The following PRKN variants were observed in gnomAD, a reference collection of about 807,000 sequenced individuals.
The protein encoded by PRKN is E3 ubiquitin-protein ligase parkin.
In PRKN, 56 loss-of-function variants were observed where a neutral mutation model predicts 59.5. That is an observed-to-expected ratio of 0.94 (90% CI 0.76 to 1.18). PRKN has a LOEUF of 1.18. PRKN is among the 50% of genes most tolerant of loss of function. The pLI is 0.00. For missense variants in PRKN, 657 were observed against 596.4 expected (o/e 1.10, Z -1.06); for synonymous variants, 250 against 222.1 (o/e 1.13, Z -1.12).
At chr6:162,113,124 G>A (rs1562521028) in intron 4 of PRKN, among the ~76,000 whole-genome samples, 1 of 152,162 alleles carries the variant, frequency 6.6e-6, no homozygotes, top group African/African-American at 2.4e-5. Context: ...TCCTATAAAA[G>A]GATGAGAAGA....
chr6:161,883,883 C>A, intron 6 of PRKN, among the ~76,000 whole-genome samples: 1 of 152,054 alleles, frequency 6.6e-6, no homozygotes. Flanking sequence ...AAACTCCTGA[C>A]CTCAAGTGAT....
chr6:162,322,231 A>G (rs972407021), intron 2 of PRKN, among the ~76,000 whole-genome samples: 5 of 152,082 alleles, frequency 3.3e-5, no homozygotes, highest in Admixed American at 3.3e-4. Context: ...ACGCAAAAAT[A>G]AATTTACAAA....
At chr6:161,542,888 C>T (rs963004814) in intron 9 of PRKN, among the ~76,000 whole-genome samples, 1 of 152,070 alleles carries the variant, frequency 6.6e-6, no homozygotes, top group African/African-American at 2.4e-5. Flanking sequence ...AGATTTTAAT[C>T]TCTAGTCTTA....
chr6:161,472,105 C>A (rs552913041), intron 9 of PRKN, among the ~76,000 whole-genome samples: 26 of 152,156 alleles, frequency 1.7e-4, no homozygotes, highest in Middle Eastern at 6.8e-3. Flanking sequence ...AGTTGGTAAT[C>A]TTCTTCATGG....
intron 7 of PRKN, among the ~76,000 whole-genome samples, chr6:161,623,586 T>C (rs895308152): frequency 6.6e-6 from 1 of 152,210 alleles, no homozygotes; most frequent in Non-Finnish European, 1.5e-5. Flanking sequence ...CTTTTTGCAA[T>C]GTCAACAGAG....
chr6:162,253,684 T>G (rs1280748962), intron 3 of PRKN, among the ~76,000 whole-genome samples: 1 of 152,066 alleles, frequency 6.6e-6, no homozygotes, highest in Admixed American at 6.5e-5. Flanking sequence ...TTGTTAAATA[T>G]GAGACACCAC....
At chr6:161,853,052 G>T (rs1793502458) in intron 6 of PRKN, among the ~76,000 whole-genome samples, 1 of 152,170 alleles carries the variant, frequency 6.6e-6, no homozygotes, top group South Asian at 2.1e-4. Context: ...ATATATATTT[G>T]ATGGAAAAGT....
At chr6:162,420,570 T>C (rs1269442470) in intron 2 of PRKN, among the ~76,000 whole-genome samples, 2 of 152,190 alleles carry the variant, frequency 1.3e-5, no homozygotes, top group African/African-American at 4.8e-5. Context: ...TATAACAACC[T>C]TCCCATCTCC....
chr6:162,222,069 G>A (rs1268167900), intron 3 of PRKN, among the ~76,000 whole-genome samples: 3 of 152,066 alleles, frequency 2.0e-5, no homozygotes, highest in African/African-American at 7.2e-5. Context: ...GTTTTGGTTT[G>A]AATAACGACC....
chr6:162,334,089 A>G (rs939516839), intron 2 of PRKN, among the ~76,000 whole-genome samples: 2 of 152,186 alleles, frequency 1.3e-5, no homozygotes, highest in Non-Finnish European at 2.9e-5. Flanking sequence ...TGTAAAAGAC[A>G]AGGTTGAAGC....
chr6:161,720,037 C>T (rs1466320720), intron 7 of PRKN, among the ~76,000 whole-genome samples: 1 of 152,186 alleles, frequency 6.6e-6, no homozygotes, highest in Non-Finnish European at 1.5e-5. Flanking sequence ...CGTGGTTCTG[C>T]TTCCTGGTCT....
In PRKN at chr6:161,584,087, C is replaced by T. The variant is rs1450094016; in HGVS notation, c.872-14671G>A. Reference sequence around the variant, plus strand: ...CAGAGTATTAGAGACACAACCCTCCCCTCCTTGGTTGTATGTGTATTCATC... The same window carrying T: ...CAGAGTATTAGAGACACAACCCTCCTCTCCTTGGTTGTATGTGTATTCATC... On this transcript the variant is annotated intron_variant, in intron 7 of 11. Coordinates refer to ENST00000366898, the MANE Select transcript of PRKN (RefSeq NM_004562.3). This position sits in a 1 kb window ranked among gnomAD's most constrained non-coding sequence, Gnocchi z 4.8. Among the ~76,000 whole-genome samples the T allele has an allele frequency of 1.3e-5, 2 of 152,330 alleles. No homozygotes were observed. The highest frequency in any genetic ancestry group is 3.9e-4 in the East Asian group (2 of 5,186).
chr6:162,708,953 G>A (rs1778430949), intron 1 of PRKN, among the ~76,000 whole-genome samples: 1 of 152,290 alleles, frequency 6.6e-6, no homozygotes, highest in South Asian at 2.1e-4. Context: ...CTTACCACCT[G>A]AGCTCCACCT....
intron 4 of PRKN, among the ~76,000 whole-genome samples, chr6:162,124,619 T>C (rs901521011): frequency 1.3e-4 from 20 of 152,032 alleles, no homozygotes; most frequent in Admixed American, 1.1e-3. Flanking sequence ...CTGGGAGACA[T>C]TGAATTTGAG....
rs933705789 is a variant in PRKN at position 161,475,553 on chromosome 6, G to C, written c.1083+73301C>G. ...AGGTCTCGCTCTGTGGCCCAGGCTG[G>C]AGTGCCGCGGTGCAATACAACTTGC... On this transcript the variant is annotated intron_variant, in intron 9 of 11. Transcript: ENST00000366898. The surrounding 1 kb of genome is among the most constrained non-coding windows in gnomAD (Gnocchi z 5.3). Among the ~76,000 whole-genome samples the C allele has an allele frequency of 6.6e-6, 1 of 152,112 alleles. No individual in the cohort carries two copies. The highest frequency in any genetic ancestry group is 2.4e-5 in the African/African-American group (1 of 41,436).
Position 161,350,090 on chromosome 6 carries a change from C to T in PRKN, c.*9G>A, listed in dbSNP as rs1784458978. 1.3e-6 allele frequency: 2 copies of T among 1,589,244 alleles called. No individual in the cohort carries two copies. Among genetic ancestry groups the T allele is most frequent in the African/African-American group, 1.3e-5 (1 of 74,556 alleles). ...CAGGATGTGGCGATGGGGCGCCCGG[C>T]CGCCCTGGCTACACGTCGAACCAGT... On this transcript the variant is annotated 3_prime_UTR_variant, in exon 12 of 12. Coordinates refer to ENST00000366898, the MANE Select transcript of PRKN (RefSeq NM_004562.3).
intron 1 of PRKN, among the ~76,000 whole-genome samples, chr6:162,685,219 G>A (rs1045911575): frequency 1.3e-5 from 2 of 152,126 alleles, no homozygotes; most frequent in Non-Finnish European, 2.9e-5. Context: ...TTGCACAGAT[G>A]TGTACTGCAA....
intron 2 of PRKN, among the ~76,000 whole-genome samples, chr6:162,348,476 G>T (rs1784495460): frequency 6.6e-6 from 1 of 152,010 alleles, no homozygotes; most frequent in Admixed American, 6.6e-5. Flanking sequence ...ACCTATATTA[G>T]AAAAGAAGAT....
rs917579604 is a variant in PRKN at position 162,371,334 on chromosome 6, T to A, written c.171+71976A>T. Among the ~76,000 whole-genome samples, 3 of 152,160 alleles carry A rather than the reference T, an allele frequency of 2.0e-5. No individual in the cohort carries two copies. The South Asian group carries it at 6.2e-4, about 32-fold the overall frequency. On this transcript the variant is annotated intron_variant, in intron 2 of 11. Transcript: ENST00000366898. Reference sequence around the variant, plus strand: ...AAGCAGTGTGGTGACCAGGTGTTGCTAATCATCAGAGTCTCTTGGTGACTC... The same window carrying A: ...AAGCAGTGTGGTGACCAGGTGTTGCAAATCATCAGAGTCTCTTGGTGACTC...
Sources: gnomAD v4.1 joint callset for allele counts (sites outside exome capture counted in the v4.1 genomes callset) on GRCh38, gnomAD v4.1.1 for gene constraint, Gnocchi (gnomAD v3.1) non-coding constraint, MANE v1.5 for transcripts, NCBI Gene and HGNC (gene_info 2026-07-23, HGNC 2026-07-21) for gene names.